SLC25A21: variants seen among roughly 807,000 people sequenced by gnomAD.
SLC25A21 encodes the protein mitochondrial 2-oxodicarboxylate carrier.
A neutral mutation model predicts 43.8 loss-of-function variants in SLC25A21; 47 were observed. The observed-to-expected ratio is 1.07, with a 90% CI of 0.85 to 1.37. SLC25A21 has a LOEUF of 1.37. Ranked by LOEUF, SLC25A21 falls within the 40% of genes most tolerant of loss-of-function variation. SLC25A21 has a pLI of 0.00. For synonymous variants in SLC25A21, 131 were observed against 121.3 expected, an observed-to-expected ratio of 1.08 and a Z score of -0.52; for missense variants, 352 against 350.2, an observed-to-expected ratio of 1.00 and a Z score of -0.04.
intron 2 of SLC25A21, among the ~76,000 whole-genome samples, chr14:36,862,179 G>C (rs1378357931): frequency 6.6e-6 from 1 of 152,136 alleles, no homozygotes; most frequent in African/African-American, 2.4e-5. Context: ...AACTAGTTCA[G>C]CCATTGTGGA....
chr14:36,993,171 T>C (rs184682835), intron 1 of SLC25A21, among the ~76,000 whole-genome samples: 1 of 152,180 alleles, frequency 6.6e-6, no homozygotes, highest in African/African-American at 2.4e-5. Context: ...CTATTTTCTA[T>C]AGAATCATAT....
intron 2 of SLC25A21, among the ~76,000 whole-genome samples, chr14:36,819,335 A>C (rs1369351218): frequency 6.9e-6 from 1 of 145,706 alleles, no homozygotes; most frequent in East Asian, 2.1e-4. Flanking sequence ...TTCCCAAACA[A>C]ATGTACAAGC....
intron 3 of SLC25A21, among the ~76,000 whole-genome samples, chr14:36,747,991 G>T (rs1005356916): frequency 2.0e-5 from 3 of 152,152 alleles, no homozygotes; most frequent in Non-Finnish European, 4.4e-5. Context: ...TAGCAATTGT[G>T]CACAATGCTT....
At chr14:37,034,519 CAAAGGAT>C (rs1961286279) in intron 1 of SLC25A21, among the ~76,000 whole-genome samples, 1 of 152,116 alleles carries the variant, frequency 6.6e-6, no homozygotes, top group South Asian at 2.1e-4. Context: ...ACTCCCACTC[CAAAGGAT>C]CACCAATCCC....
chr14:36,852,428 T>C (rs891602829), intron 2 of SLC25A21, among the ~76,000 whole-genome samples: 10 of 152,344 alleles, frequency 6.6e-5, no homozygotes, highest in South Asian at 6.2e-4. Flanking sequence ...CTTCATGTTG[T>C]ATCTTAAAGT....
intron 2 of SLC25A21, among the ~76,000 whole-genome samples, 191 bp downstream of exon 2, chr14:36,874,765 G>T (rs775098279): frequency 1.3e-5 from 2 of 152,156 alleles, no homozygotes; most frequent in Non-Finnish European, 2.9e-5. Context: ...TACTTCAGAT[G>T]ACCTTCACCC....
At chr14:36,704,799 A>C (rs1046809208) in intron 7 of SLC25A21, among the ~76,000 whole-genome samples, 1 of 152,178 alleles carries the variant, frequency 6.6e-6, no homozygotes, top group South Asian at 2.1e-4. Context: ...GCTTCAGGTG[A>C]ATTACTTCAG....
At chr14:36,979,511 A>G (rs952501749) in intron 1 of SLC25A21, among the ~76,000 whole-genome samples, 2 of 151,962 alleles carry the variant, frequency 1.3e-5, no homozygotes, top group African/African-American at 4.8e-5. Context: ...GTGCGCTGCC[A>G]CACCTGGCTA....
intron 1 of SLC25A21, among the ~76,000 whole-genome samples, chr14:36,916,551 A>G (rs1244689401): frequency 6.6e-6 from 1 of 152,216 alleles, no homozygotes; most frequent in Non-Finnish European, 1.5e-5. Flanking sequence ...AGTCTACTGA[A>G]ACACATGAAA....
At chr14:36,798,015 A>G (rs1887732717) in intron 3 of SLC25A21, among the ~76,000 whole-genome samples, 1 of 152,188 alleles carries the variant, frequency 6.6e-6, no homozygotes, top group South Asian at 2.1e-4. Flanking sequence ...TGTAAAATAG[A>G]GTTTAACTGG....
At chr14:37,143,183 T>TA (rs1594814738) in intron 1 of SLC25A21, among the ~76,000 whole-genome samples, 1 of 152,332 alleles carries the variant, frequency 6.6e-6, no homozygotes, top group Non-Finnish European at 1.5e-5. Flanking sequence ...CTTTTCAAGT[T>TA]AAAAAAGTTT....
chr14:37,120,663 T>C (rs1470729248), intron 1 of SLC25A21, among the ~76,000 whole-genome samples: 1 of 151,996 alleles, frequency 6.6e-6, no homozygotes, highest in Non-Finnish European at 1.5e-5. Flanking sequence ...GGGCCATTCC[T>C]AAGCTTAGTT....
chr14:36,854,144 T>C (rs28733265), intron 2 of SLC25A21, among the ~76,000 whole-genome samples: 13,391 of 152,100 alleles, frequency 0.088, 1,012 homozygotes, highest in African/African-American at 0.21. Flanking sequence ...ATACTGGGAG[T>C]GCAAATATAA....
At chr14:36,888,385 C>A (rs771928059) in intron 1 of SLC25A21, among the ~76,000 whole-genome samples, 4 of 152,142 alleles carry the variant, frequency 2.6e-5, no homozygotes, top group Middle Eastern at 3.4e-3. Context: ...TTCAAGAAAA[C>A]CAACCGACTT....
chr14:36,977,086 T>G (rs989342652), intron 1 of SLC25A21, among the ~76,000 whole-genome samples: 2 of 152,240 alleles, frequency 1.3e-5, no homozygotes, highest in Non-Finnish European at 2.9e-5. Context: ...CTTAAACATG[T>G]TGCATTTTTC....
At chr14:36,848,802 C>CCTGTTCAATAATTA (rs1889628492) in intron 2 of SLC25A21, among the ~76,000 whole-genome samples, 1 of 152,196 alleles carries the variant, frequency 6.6e-6, no homozygotes, top group African/African-American at 2.4e-5. Context: ...TTCCTGTTCA[C>CCTGTTCAATAATTA]ATATTAAGAG....
At chr14:36,729,602 AT>A in intron 4 of SLC25A21, 36 bp from the exon 5 acceptor site, 1 of 1,561,556 alleles carries the variant, frequency 6.4e-7, no homozygotes, top group Non-Finnish European at 8.7e-7. Flanking sequence ...ATTTATAACA[AT>A]TTTCCTGCAA....
At chr14:36,887,423 C>T (rs1423184529) in intron 1 of SLC25A21, among the ~76,000 whole-genome samples, 1 of 151,788 alleles carries the variant, frequency 6.6e-6, no homozygotes, top group African/African-American at 2.4e-5. Flanking sequence ...GTTAGCTGGG[C>T]GTGGTGGTGC....
intron 3 of SLC25A21, among the ~76,000 whole-genome samples, chr14:36,752,544 A>T (rs1472053986): frequency 6.6e-6 from 1 of 152,212 alleles, no homozygotes; most frequent in African/African-American, 2.4e-5. Context: ...TATATAAACA[A>T]TGGGGATATT....
Sources: gnomAD v4.1 joint callset for allele counts (sites outside exome capture counted in the v4.1 genomes callset) on GRCh38, gnomAD v4.1.1 for gene constraint, MANE v1.5 for transcripts, NCBI Gene and HGNC (gene_info 2026-07-23, HGNC 2026-07-21) for gene names.